Variants in NETO2 observed in about 807,000 individuals in gnomAD.
NETO2 encodes the protein neuropilin and tolloid like 2.
Under a neutral mutation model 62.5 loss-of-function variants are expected in NETO2, and 28 were observed. That is an observed-to-expected ratio of 0.45 (90% CI 0.33 to 0.61). The LOEUF (loss-of-function observed/expected upper bound fraction) is 0.61, where lower values mean the gene tolerates loss of function less well. NETO2 is among the 20% of genes least tolerant of loss of function. The probability of loss-of-function intolerance (pLI) is 0.02; values close to 1 mark genes in which losing one functional copy is unlikely to be tolerated. For missense variants in NETO2, 548 were observed against 643.2 expected, an observed-to-expected ratio of 0.85 and a Z score of 1.60; for synonymous variants, 214 against 219.1, an observed-to-expected ratio of 0.98 and a Z score of 0.21.
chr16:47,088,884 A>T (rs1963253736), intron 7 of NETO2, among the ~76,000 whole-genome samples: 1 of 152,202 alleles, frequency 6.6e-6, no homozygotes, highest in African/African-American at 2.4e-5. Flanking sequence ...ACAGGCATTT[A>T]TTAGGTACCT....
At chr16:47,084,498 G>A (rs1963142707) in intron 8 of NETO2, among the ~76,000 whole-genome samples, 1 of 152,198 alleles carries the variant, frequency 6.6e-6, no homozygotes. Context: ...CCTCCTGTCA[G>A]ATCAGCAGTG....
chr16:47,126,179 G>A (rs1468165920), intron 4 of NETO2, among the ~76,000 whole-genome samples: 1 of 152,122 alleles, frequency 6.6e-6, no homozygotes, highest in Non-Finnish European at 1.5e-5. Flanking sequence ...ATTAACTCAC[G>A]TCCACACAAA....
chr16:47,088,807 T>C lies in NETO2; in HGVS notation c.884-2468A>G, dbSNP rs1476093656. On this transcript the variant is annotated intron_variant, in intron 7 of 8. Coordinates refer to ENST00000562435, the MANE Select transcript of NETO2 (RefSeq NM_018092.5). ...TACATTATCAGTAATAAAACTGACATGTTTTCATTCATCTGCCTTACCCAC... is the reference window on the plus strand; with the variant it reads ...TACATTATCAGTAATAAAACTGACACGTTTTCATTCATCTGCCTTACCCAC... Among the ~76,000 whole-genome samples the C allele has an allele frequency of 5.3e-5, 8 of 152,316 alleles. No individual in the cohort carries two copies. In the South Asian group the frequency reaches 1.0e-3, roughly 20 times the overall value.
intron 1 of NETO2, among the ~76,000 whole-genome samples, 191 bp from the exon 2 acceptor site, chr16:47,132,216 G>A (rs1964280661): frequency 6.6e-6 from 1 of 151,424 alleles, no homozygotes; most frequent in Non-Finnish European, 1.5e-5. Flanking sequence ...GATAACCCAA[G>A]AAAAGACAAG....
At chr16:47,111,095 ACT>A (rs1168881932) in intron 6 of NETO2, among the ~76,000 whole-genome samples, 3 of 152,054 alleles carry the variant, frequency 2.0e-5, no homozygotes, top group South Asian at 2.1e-4. Flanking sequence ...CTCCGCTCAC[ACT>A]CTGGTAGCGA....
intron 6 of NETO2, among the ~76,000 whole-genome samples, chr16:47,113,585 C>CTTTTTTTTT (rs953891691): frequency 8.4e-5 from 9 of 106,598 alleles, no homozygotes; most frequent in East Asian, 2.7e-4. Context: ...ACAGTTTATT[C>CTTTTTTTTT]TTTTTTTTTT....
chr16:47,129,088 T>C (rs1288213722), intron 3 of NETO2, 136 bp downstream of exon 3: 1 of 819,594 alleles, frequency 1.2e-6, no homozygotes, highest in African/African-American at 1.7e-5. Context: ...TATGCAGAAA[T>C]ACTTATCATT....
chr16:47,109,507 T>C lies in NETO2; in HGVS notation c.859A>G (p.Met287Val), dbSNP rs1444965901. 1.9e-6 allele frequency: 3 copies of C among 1,613,908 alleles called. No homozygotes were observed. The highest frequency in any genetic ancestry group is 3.3e-5 in the Admixed American group (2 of 60,014). ...DEGSRLSRFR[M>V]LFTSFVEPPC... ...CGCTCCACAAAGGAAGTAAAGAGCA[T>C]TCGAAACCTGCTAAGCCGACTACCT... The change falls in exon 7 of 9, where the codon ATG (methionine) becomes GTG (valine). Residue 287 changes from methionine to valine, a missense_variant. By Grantham distance (21) the Met-to-Val change is conservative. Coordinates refer to ENST00000562435, the MANE Select transcript of NETO2 (RefSeq NM_018092.5).
At chr16:47,119,186 C>G (rs1379725722) in intron 6 of NETO2, among the ~76,000 whole-genome samples, 1 of 149,310 alleles carries the variant, frequency 6.7e-6, no homozygotes, top group Non-Finnish European at 1.5e-5. Flanking sequence ...GAGTCTTGCA[C>G]TGTTGCCCAG....
At chr16:47,127,102 T>C (rs1270842460) in intron 4 of NETO2, among the ~76,000 whole-genome samples, 1 of 152,268 alleles carries the variant, frequency 6.6e-6, no homozygotes, top group African/African-American at 2.4e-5. Context: ...TATGGATATT[T>C]TCTTTTCATT....
intron 7 of NETO2, among the ~76,000 whole-genome samples, chr16:47,092,443 CT>C (rs1326029587): frequency 1.3e-5 from 2 of 152,162 alleles, no homozygotes; most frequent in East Asian, 3.9e-4. Flanking sequence ...ACTTTACATT[CT>C]TTATTTCATA....
intron 1 of NETO2, among the ~76,000 whole-genome samples, chr16:47,139,763 AAG>A (rs1964428180): frequency 6.6e-6 from 1 of 152,234 alleles, no homozygotes; most frequent in Non-Finnish European, 1.5e-5. Flanking sequence ...TTTAGTAAGA[AAG>A]AGTAACTCTA....
chr16:47,086,869 G>A (rs1414648249), intron 7 of NETO2, among the ~76,000 whole-genome samples: 4 of 152,144 alleles, frequency 2.6e-5, no homozygotes, highest in African/African-American at 9.7e-5. Flanking sequence ...ACAACAGCCA[G>A]AAAGTGGGAA....
chr16:47,097,770 A>G (rs568172654), intron 7 of NETO2, among the ~76,000 whole-genome samples: 1 of 152,314 alleles, frequency 6.6e-6, no homozygotes, highest in East Asian at 1.9e-4. Context: ...CTCACACAGG[A>G]GAGCTCCAGC....
At chr16:47,130,009 C>T (rs1424447111) in intron 2 of NETO2, among the ~76,000 whole-genome samples, 1 of 152,124 alleles carries the variant, frequency 6.6e-6, no homozygotes, top group Non-Finnish European at 1.5e-5. Context: ...TTTTCAGTAC[C>T]CTTTCCTCCT....
chr16:47,097,196 G>C (rs929761449), intron 7 of NETO2, among the ~76,000 whole-genome samples: 1 of 152,170 alleles, frequency 6.6e-6, no homozygotes, highest in Non-Finnish European at 1.5e-5. Flanking sequence ...CTGGAAAGGG[G>C]GCTGAAACCA....
chr16:47,085,808 C>T (rs1295967010), intron 8 of NETO2, among the ~76,000 whole-genome samples: 1 of 151,992 alleles, frequency 6.6e-6, no homozygotes. Flanking sequence ...CCATTTTTGT[C>T]AAAGCAGCTA....
intron 6 of NETO2, among the ~76,000 whole-genome samples, chr16:47,112,005 T>C (rs1963810906): frequency 6.6e-6 from 1 of 152,216 alleles, no homozygotes; most frequent in South Asian, 2.1e-4. Flanking sequence ...AAAAGGCCAC[T>C]GATAAAAGTG....
intron 3 of NETO2, 74 bp from the exon 4 acceptor site, chr16:47,128,647 A>G: frequency 5.3e-6 from 8 of 1,508,752 alleles, no homozygotes; most frequent in Non-Finnish European, 6.2e-6. Flanking sequence ...CAAATGAGAA[A>G]AGCAGAATAA....
Sources: gnomAD v4.1 joint callset for allele counts (sites outside exome capture counted in the v4.1 genomes callset) on GRCh38, gnomAD v4.1.1 for gene constraint, MANE v1.5 for transcripts, NCBI Gene and HGNC (gene_info 2026-07-23, HGNC 2026-07-21) for gene names.